Variants in SLC9A9 observed in about 807,000 individuals in gnomAD.
SLC9A9 encodes the protein sodium/hydrogen exchanger 9.
SLC9A9 carries 62 observed loss-of-function variants against 77.8 expected under a neutral mutation model. The ratio of observed to expected loss-of-function variants is 0.80; its 90% CI spans 0.65 to 0.98. SLC9A9 has a LOEUF of 0.98. Ranked by LOEUF, SLC9A9 falls within the 50% of genes least tolerant of loss-of-function variation. The probability of loss-of-function intolerance (pLI) is 0.00; values close to 1 mark genes in which losing one functional copy is unlikely to be tolerated. For missense variants in SLC9A9, 775 were observed against 774.9 expected (o/e 1.00, Z 0.00); for synonymous variants, 320 against 283.5 (o/e 1.13, Z -1.29).
Position 143,392,105 on chromosome 3 carries a change from A to G in SLC9A9, c.1470-9991T>C, listed in dbSNP as rs567734556. 2.6e-5 allele frequency among the ~76,000 whole-genome samples: 4 copies of G among 152,334 alleles called. No individual in the cohort carries two copies. The South Asian group carries it at 6.2e-4, about 24-fold the overall frequency. Reference sequence around the variant, plus strand: ...AAATTCAGGAAACACAGAGAACGCCACAAACATACTCCTTGAGAAGAGCAA... The same window carrying G: ...AAATTCAGGAAACACAGAGAACGCCGCAAACATACTCCTTGAGAAGAGCAA... On this transcript the variant is annotated intron_variant, in intron 12 of 15. Coordinates refer to ENST00000316549, the MANE Select transcript of SLC9A9 (RefSeq NM_173653.4).
At chr3:143,701,346 T>C (rs1196123219) in intron 4 of SLC9A9, among the ~76,000 whole-genome samples, 1 of 152,106 alleles carries the variant, frequency 6.6e-6, no homozygotes. Flanking sequence ...AACAGAGATA[T>C]ATGACCCTTT....
At chr3:143,782,038 G>A (rs2007898507) in intron 4 of SLC9A9, among the ~76,000 whole-genome samples, 1 of 152,196 alleles carries the variant, frequency 6.6e-6, no homozygotes, top group South Asian at 2.1e-4. Flanking sequence ...ATTTCTCACT[G>A]TGATGGTTCT....
chr3:143,739,167 C>T (rs1053044228), intron 4 of SLC9A9, among the ~76,000 whole-genome samples: 2 of 152,050 alleles, frequency 1.3e-5, no homozygotes, highest in African/African-American at 4.8e-5. Context: ...CTGCAGCTCT[C>T]GTGGGGCCCA....
chr3:143,640,583 G>A (rs1006355461), intron 6 of SLC9A9, among the ~76,000 whole-genome samples: 5 of 152,040 alleles, frequency 3.3e-5, no homozygotes, highest in Non-Finnish European at 5.9e-5. Context: ...GTTTTAGGCC[G>A]GGCATGGTGG....
At chr3:143,410,426 A>G (rs2034070653) in intron 12 of SLC9A9, among the ~76,000 whole-genome samples, 1 of 152,146 alleles carries the variant, frequency 6.6e-6, no homozygotes, top group Admixed American at 6.5e-5. Context: ...CCATTCTCTC[A>G]TATATTAATA....
intron 11 of SLC9A9, among the ~76,000 whole-genome samples, chr3:143,487,545 T>C (rs2035674313): frequency 6.6e-6 from 1 of 151,830 alleles, no homozygotes; most frequent in South Asian, 2.1e-4. Context: ...TCCTAAAAGA[T>C]TTAAAAAGAT....
At chr3:143,374,385 A>G (rs2033128203) in intron 13 of SLC9A9, among the ~76,000 whole-genome samples, 1 of 142,192 alleles carries the variant, frequency 7.0e-6, no homozygotes, top group Non-Finnish European at 1.5e-5. Context: ...AGATCGCACC[A>G]CTGTACTCCA....
At chr3:143,765,003 CTTTCTTTCTCTCTTTCT>C in intron 4 of SLC9A9, among the ~76,000 whole-genome samples, 3 of 142,554 alleles carry the variant, frequency 2.1e-5, no homozygotes, top group African/African-American at 8.9e-5. Context: ...TCCTTCCTTT[CTTTCTTTCTCTCTTTCT>C]CTTTCTTTCT....
At chr3:143,703,230 A>G (rs558072452) in intron 4 of SLC9A9, among the ~76,000 whole-genome samples, 26 of 152,210 alleles carry the variant, frequency 1.7e-4, no homozygotes, top group African/African-American at 5.5e-4. Flanking sequence ...CACCTAATAG[A>G]TATAGAACAT....
At chr3:143,282,525 G>A (rs937496565) in intron 14 of SLC9A9, among the ~76,000 whole-genome samples, 1 of 152,116 alleles carries the variant, frequency 6.6e-6, no homozygotes, top group Non-Finnish European at 1.5e-5. Context: ...TGAATCTATG[G>A]AGGTGTTCTA....
chr3:143,539,742 A>G (rs1470046830), intron 9 of SLC9A9, among the ~76,000 whole-genome samples: 1 of 152,180 alleles, frequency 6.6e-6, no homozygotes, highest in Non-Finnish European at 1.5e-5. Flanking sequence ...AGGCCAGCTG[A>G]TCTCCTAAAT....
intron 6 of SLC9A9, among the ~76,000 whole-genome samples, chr3:143,624,447 A>C (rs2038279643): frequency 6.6e-6 from 1 of 152,240 alleles, no homozygotes; most frequent in African/African-American, 2.4e-5. Context: ...CCTGGGATGC[A>C]AGACTGGTTC....
At chr3:143,293,334 T>G (rs2030103484) in intron 14 of SLC9A9, among the ~76,000 whole-genome samples, 1 of 152,204 alleles carries the variant, frequency 6.6e-6, no homozygotes, top group Non-Finnish European at 1.5e-5. Flanking sequence ...CTTCATTCTT[T>G]ATTTTAGTAT....
rs534794605 is a variant in SLC9A9, at chr3:143,772,806, A to G, written c.533+22195T>C. Among the ~76,000 whole-genome samples the G allele has an allele frequency of 8.2e-4, 125 of 152,354 alleles. 1 individual carries two copies. Among genetic ancestry groups the G allele is most frequent in the African/African-American group, 2.9e-3 (121 of 41,584 alleles). On this transcript the variant is annotated intron_variant, in intron 4 of 15. Transcript: ENST00000316549. ...CAAAAGTCCCACCTGGATGATGCCA[A>G]TTTCAGAAGCGTCATATCAGCTCTC...
intron 4 of SLC9A9, among the ~76,000 whole-genome samples, chr3:143,790,156 T>A (rs1159888509): frequency 6.6e-6 from 1 of 152,166 alleles, no homozygotes; most frequent in East Asian, 1.9e-4. Context: ...TCATTCTCTC[T>A]CTTGCCGCCT....
rs567898355 is a variant in SLC9A9 at position 143,386,706 on chromosome 3, C to T, written c.1470-4592G>A. Among the ~76,000 whole-genome samples, 5 of 152,284 alleles carry T rather than the reference C, an allele frequency of 3.3e-5. No individual in the cohort carries two copies. In the East Asian group the frequency reaches 7.7e-4, roughly 23 times the overall value. ...TAGTCCTTGTTTCTGCACTGGACAA[C>T]CTTTGAATATATAGCAACCACCACA... On this transcript the variant is annotated intron_variant, in intron 12 of 15. Coordinates refer to ENST00000316549, the MANE Select transcript of SLC9A9 (RefSeq NM_173653.4).
In SLC9A9 at chr3:143,447,207, C is replaced by T. The variant is rs576291308; in HGVS notation, c.1469+19830G>A. ...CCCAATGAGAAATTAATTGTGAAGA[C>T]GTAAACACAGGCCAGATTTCCATTT... On this transcript the variant is annotated intron_variant, in intron 12 of 15. Transcript: ENST00000316549. Among the ~76,000 whole-genome samples the T allele has an allele frequency of 2.0e-5, 3 of 152,202 alleles. No individual in the cohort carries two copies. In the East Asian group the frequency reaches 5.8e-4, roughly 29 times the overall value.
At chr3:143,692,964 A>C (rs1933519141) in intron 5 of SLC9A9, among the ~76,000 whole-genome samples, 1 of 152,192 alleles carries the variant, frequency 6.6e-6, no homozygotes, top group African/African-American at 2.4e-5. Flanking sequence ...AATTGTAATG[A>C]CTTTAAAGAT....
chr3:143,703,198 A>G (rs1354396392), intron 4 of SLC9A9, among the ~76,000 whole-genome samples: 3 of 152,030 alleles, frequency 2.0e-5, no homozygotes, highest in Admixed American at 1.3e-4. Flanking sequence ...CATCAGACTT[A>G]CTCTACACTA....
Sources: gnomAD v4.1 joint callset for allele counts (sites outside exome capture counted in the v4.1 genomes callset) on GRCh38, gnomAD v4.1.1 for gene constraint, MANE v1.5 for transcripts, NCBI Gene and HGNC (gene_info 2026-07-23, HGNC 2026-07-21) for gene names.